Variants in TRPC3 observed in about 807,000 individuals in gnomAD.
The protein encoded by TRPC3 is short transient receptor potential channel 3.
TRPC3 carries 54 observed loss-of-function variants against 90.9 expected under a neutral mutation model. The ratio of observed to expected loss-of-function variants is 0.59; its 90% CI spans 0.48 to 0.75. The LOEUF (loss-of-function observed/expected upper bound fraction) is 0.75. Ranked by LOEUF, TRPC3 falls within the 30% of genes least tolerant of loss-of-function variation. The pLI is 0.00. For missense variants in TRPC3, 918 were observed against 1,194.5 expected (o/e 0.77, Z 3.41); for synonymous variants, 424 against 450.9 (o/e 0.94, Z 0.75).
chr4:121,920,759 A>T (rs1404873282), intron 3 of TRPC3, among the ~76,000 whole-genome samples: 1 of 152,164 alleles, frequency 6.6e-6, no homozygotes, highest in Admixed American at 6.5e-5. Context: ...CTCTTCTGTG[A>T]CATGCCTATT....
chr4:121,879,673 C>A lies in TRPC3; in HGVS notation c.*63G>T. 6.5e-7 allele frequency: 1 copy of A among 1,531,850 alleles called. No individual in the cohort carries two copies. The highest frequency in any genetic ancestry group is 1.3e-5 in the South Asian group (1 of 77,744). 94.9% of individuals were successfully genotyped at this position (1,531,850 alleles called of 1,614,324 possible). On this transcript the variant is annotated 3_prime_UTR_variant, in exon 12 of 12. Transcript: ENST00000379645. ...TTACATCATAGTTTTTCAAGTATTT[C>A]ATACTTAGAAATATTATTGCCCACA...
At position 121,885,759 on chromosome 4, in the gene TRPC3, A is replaced by G. The variant is rs191252964; in HGVS notation, c.2548-3330T>C. Among the ~76,000 whole-genome samples the G allele has an allele frequency of 4.6e-5, 7 of 152,276 alleles. No individual in the cohort carries two copies. In the East Asian group the frequency reaches 9.6e-4, roughly 21 times the overall value. On this transcript the variant is annotated intron_variant, in intron 10 of 11. Coordinates refer to ENST00000379645, the MANE Select transcript of TRPC3 (RefSeq NM_001130698.2). Reference sequence around the variant, plus strand: ...TGATTCTTTAATTAAAGCTAGTACAAAAAATTAAACTGACCAATAACAGAT... The same window carrying G: ...TGATTCTTTAATTAAAGCTAGTACAGAAAATTAAACTGACCAATAACAGAT...
intron 1 of TRPC3, among the ~76,000 whole-genome samples, chr4:121,938,842 C>T (rs1030307390): frequency 6.6e-6 from 1 of 151,836 alleles, no homozygotes; most frequent in Non-Finnish European, 1.5e-5. Context: ...TATCACACTT[C>T]TCTTTAAAAA....
In TRPC3 at chr4:121,932,450, C is replaced by T. The variant is rs749960852; in HGVS notation, c.808G>A (p.Gly270Arg). ...ERPHDYFCKC[G>R]DCMEKQRHDS... The stretch of plus-strand genomic sequence containing the variant: ...TGCCTCTGCTTCTCCATGCAGTCCC[C>T]GCACTTGCAGAAATAGTCGTGCGGC... The change falls in exon 2 of 12, where the codon GGG becomes AGG. Residue 270 changes from glycine (G) to arginine (R), a missense_variant. By Grantham distance (125) the Gly-to-Arg change is moderately radical. This residue lies in a region of TRPC3 where 609 missense variants were observed against 725.9 expected (regional missense o/e 0.84). Coordinates refer to ENST00000379645, the MANE Select transcript of TRPC3 (RefSeq NM_001130698.2). This position sits in a 1 kb window ranked among gnomAD's most constrained non-coding sequence, Gnocchi z 7.7. The T allele has an allele frequency of 2.5e-6, 4 of 1,614,154 alleles. No individual in the cohort carries two copies. The highest frequency in any genetic ancestry group is 1.7e-6 in the Non-Finnish European group (2 of 1,180,026).
chr4:121,910,061 C>G, intron 6 of TRPC3, 93 bp downstream of exon 6: 1 of 916,266 alleles, frequency 1.1e-6, no homozygotes, highest in Non-Finnish European at 1.7e-6. Flanking sequence ...ATACACCTCT[C>G]ATACTAAACA....
At position 121,932,397 on chromosome 4, in the gene TRPC3, C is replaced by CCTCGAGCG. The variant is rs760030100; in HGVS notation, c.853_860dup (p.Arg287SerfsTer29). 1 of 1,614,166 alleles carries CCTCGAGCG rather than the reference C, an allele frequency of 6.2e-7. No homozygotes were observed. The highest frequency in any genetic ancestry group is 8.5e-7 in the Non-Finnish European group (1 of 1,180,038). On this transcript the variant is annotated frameshift_variant, in exon 2 of 12. Transcript: ENST00000379645. LOFTEE classifies it high-confidence loss of function. The surrounding 1 kb of genome is among the most constrained non-coding windows in gnomAD (Gnocchi z 7.7). The stretch of plus-strand genomic sequence containing the variant: ...TGGCCAGCCCCTTGTAGGCATTGAT[C>CCTCGAGCG]CTCGAGCGTGAGTGGCTGAAGGAGT...
At chr4:121,930,846 A>AC (rs1560712294) in intron 2 of TRPC3, 3 of 402,212 alleles carry the variant, frequency 7.5e-6, no homozygotes, top group Middle Eastern at 3.6e-4. Context: ...AAAAAAAAAA[A>AC]AAAAAAACAT....
intron 3 of TRPC3, among the ~76,000 whole-genome samples, chr4:121,922,978 T>C (rs1729577193): frequency 6.6e-6 from 1 of 152,186 alleles, no homozygotes; most frequent in Non-Finnish European, 1.5e-5. Context: ...CTGCCATTAA[T>C]GGTTGACCAA....
Position 121,908,619 on chromosome 4 carries a change from A to G in TRPC3, c.1793-1052T>C, listed in dbSNP as rs79096197. Among the ~76,000 whole-genome samples the G allele has an allele frequency of 4.4e-3, 674 of 152,304 alleles. 2 individuals carry two copies. Among genetic ancestry groups the G allele is most frequent in the Non-Finnish European group, 7.3e-3 (499 of 67,998 alleles). On this transcript the variant is annotated intron_variant, in intron 6 of 11. Coordinates refer to ENST00000379645, the MANE Select transcript of TRPC3 (RefSeq NM_001130698.2). The stretch of plus-strand genomic sequence containing the variant: ...GGAGGCCATTATCCTAAGTGAATTA[A>G]TGCAGGAATAGAAAACCAAATACAG...
In TRPC3 at chr4:121,910,168, T is replaced by A. The variant is rs200366233; in HGVS notation, c.1778A>T (p.Gln593Leu). The A allele has an allele frequency of 1.1e-5, 17 of 1,613,164 alleles. No homozygotes were observed. The highest frequency in any genetic ancestry group is 1.4e-5 in the Non-Finnish European group (16 of 1,179,430). Residue 593 changes from glutamine (Q) to leucine (L), a missense_variant, in exon 6 of 12, where the codon CAG becomes CTG. Physicochemically the swap from Gln to Leu is moderately radical, Grantham distance 113 (BLOSUM62 -2). Around this residue, in one of 4 missense-constraint regions of TRPC3, gnomAD observed 147 missense variants for 263.5 expected, o/e 0.56. Transcript: ENST00000379645. ...LSEVTLPPEI[Q>L]YFTYARDKWL... is the part of the protein sequence containing the mutation. ...TAACAACTTACCATAAGTGAAATAC[T>A]GTATCTCTGGTGGGAGTGTCACTTC...
chr4:121,889,451 T>G (rs1326005616), intron 10 of TRPC3, among the ~76,000 whole-genome samples: 1 of 152,092 alleles, frequency 6.6e-6, no homozygotes, highest in Non-Finnish European at 1.5e-5. Context: ...GACATACAAA[T>G]GGACAACAGG....
Position 121,894,350 on chromosome 4 carries a change from T to C in TRPC3, c.2547+5262A>G, listed in dbSNP as rs955414006. On this transcript the variant is annotated intron_variant, in intron 10 of 11. Coordinates refer to ENST00000379645, the MANE Select transcript of TRPC3 (RefSeq NM_001130698.2). ...CACCCAATACTAGAGCACTCAGATA[T>C]ATAAAGCAAATATTATTAAGTCTAA... Among the ~76,000 whole-genome samples, 6 of 152,114 alleles carry C rather than the reference T, an allele frequency of 3.9e-5. No homozygotes were observed. The East Asian group carries it at 9.7e-4, about 25-fold the overall frequency.
chr4:121,932,622 C>T lies in TRPC3; in HGVS notation c.636G>A (p.Glu212=). Residue 212 remains glutamate (E), a synonymous_variant, in exon 2 of 12, where the codon GAG becomes GAA. Transcript: ENST00000379645. This position sits in a 1 kb window ranked among gnomAD's most constrained non-coding sequence, Gnocchi z 7.7. ...AGAAGTCGTCGTCCTGCAGCTCCTG[C>T]TCACAGGGGCTCAGAGTGAGACGCT... ...ASKRLTLSPC[E]QELQDDDFYA... 6.2e-7 allele frequency: 1 copy of T among 1,613,686 alleles called. No individual in the cohort carries two copies. Among genetic ancestry groups the T allele is most frequent in the Non-Finnish European group, 8.5e-7 (1 of 1,179,688 alleles).
In TRPC3 at chr4:121,888,577, A is replaced by G. The variant is rs551964591; in HGVS notation, c.2548-6148T>C. 1.5e-3 allele frequency among the ~76,000 whole-genome samples: 197 copies of G among 128,452 alleles called. 3 individuals carry two copies. In the South Asian group the frequency reaches 0.018, roughly 11 times the overall value. 84.3% of individuals were successfully genotyped at this position (128,452 alleles called of 152,430 possible). A position where few individuals can be genotyped will look rare whatever the true frequency, so the allele number is the denominator to read the frequency against. ...ACCAAGTTCTGTTTTTTTTTTTTTT[A>G]GTAGAGACAGGGTTTCACCATGTTA... is the stretch of plus-strand genomic sequence containing the variant. On this transcript the variant is annotated intron_variant, in intron 10 of 11. Coordinates refer to ENST00000379645, the MANE Select transcript of TRPC3 (RefSeq NM_001130698.2).
intron 10 of TRPC3, among the ~76,000 whole-genome samples, chr4:121,892,048 C>A (rs1181788653): frequency 6.6e-6 from 1 of 152,076 alleles, no homozygotes; most frequent in Non-Finnish European, 1.5e-5. Flanking sequence ...CTTCTTCCCC[C>A]AACAAACACA....
intron 9 of TRPC3, among the ~76,000 whole-genome samples, chr4:121,901,738 T>C (rs1728706581): frequency 6.6e-6 from 1 of 152,186 alleles, no homozygotes; most frequent in Non-Finnish European, 1.5e-5. Context: ...AGTGAAGTGA[T>C]TTATCCATGT....
At chr4:121,923,230 A>G (rs1335428138) in intron 3 of TRPC3, among the ~76,000 whole-genome samples, 1 of 152,158 alleles carries the variant, frequency 6.6e-6, no homozygotes, top group African/African-American at 2.4e-5. Context: ...CTATGCTGAT[A>G]TGGGAGCAGC....
At chr4:121,945,723 T>C (rs1251775838) in intron 1 of TRPC3, among the ~76,000 whole-genome samples, 1 of 152,144 alleles carries the variant, frequency 6.6e-6, no homozygotes, top group Non-Finnish European at 1.5e-5. Flanking sequence ...CTATGGGAGA[T>C]AGGATATGGA....
In TRPC3 at chr4:121,914,907, G is replaced by A. The variant is rs140772812; in HGVS notation, c.1214C>T (p.Thr405Met). 30 of 1,610,250 alleles carry A rather than the reference G, an allele frequency of 1.9e-5. No homozygotes were observed. The highest frequency in any genetic ancestry group is 4.5e-5 in the East Asian group (2 of 44,816). ...GCCTGAGAGGTTCTCATACCAGATC[G>A]TCAAGAGCTGCTGCTGGCAGTTGGG... ...AHPNCQQQLL[T>M]IWYENLSGLR... The change falls in exon 4 of 12, where the codon ACG (threonine) becomes ATG (methionine). Residue 405 changes from threonine to methionine, a missense_variant. Around this residue, in one of 4 missense-constraint regions of TRPC3, gnomAD observed 609 missense variants for 725.9 expected, o/e 0.84. Transcript: ENST00000379645.
Sources: gnomAD v4.1 joint callset for allele counts (sites outside exome capture counted in the v4.1 genomes callset) on GRCh38, gnomAD v4.1.1 for gene constraint, gnomAD v4.1.1 regional missense constraint, Gnocchi (gnomAD v3.1) non-coding constraint, MANE v1.5 for transcripts, NCBI Gene and HGNC (gene_info 2026-07-23, HGNC 2026-07-21) for gene names.